PUS10: variants seen among roughly 807,000 people sequenced by gnomAD.
The protein encoded by PUS10 is pseudouridine synthase 10.
A neutral mutation model predicts 75.0 loss-of-function variants in PUS10; 59 were observed. That is an observed-to-expected ratio of 0.79 (90% CI 0.64 to 0.98). The LOEUF is 0.98. Ranked by LOEUF, PUS10 falls within the 50% of genes least tolerant of loss-of-function variation. PUS10 has a pLI of 0.00. For missense variants in PUS10, 650 were observed against 614.4 expected, an observed-to-expected ratio of 1.06 and a Z score of -0.61; for synonymous variants, 219 against 211.6, an observed-to-expected ratio of 1.03 and a Z score of -0.30.
chr2:60,977,820 C>T (rs915451059), intron 4 of PUS10, among the ~76,000 whole-genome samples: 5 of 152,098 alleles, frequency 3.3e-5, no homozygotes, highest in Admixed American at 6.5e-5. Context: ...GGTGGCTTCT[C>T]TCTCTGGGTT....
At chr2:60,969,113 A>G (rs1170974696) in intron 5 of PUS10, among the ~76,000 whole-genome samples, 2 of 152,242 alleles carry the variant, frequency 1.3e-5, no homozygotes, top group East Asian at 3.8e-4. Flanking sequence ...TTGTTACAAA[A>G]GCGAATCCCA....
At chr2:61,012,354 C>T (rs541431095) in intron 1 of PUS10, among the ~76,000 whole-genome samples, 61 of 152,040 alleles carry the variant, frequency 4.0e-4, no homozygotes, top group African/African-American at 1.4e-3. Flanking sequence ...AGCCATACCC[C>T]AAAATGAAGG....
At chr2:60,985,938 C>CAAAAAAAAAA (rs59173202) in intron 4 of PUS10, among the ~76,000 whole-genome samples, 2 of 82,144 alleles carry the variant, frequency 2.4e-5, no homozygotes, top group Non-Finnish European at 4.8e-5. Flanking sequence ...CAGACTTCAC[C>CAAAAAAAAAA]AAAAAAAAAA....
chr2:60,943,036 G>GGA (rs1674712753), intron 17 of PUS10, among the ~76,000 whole-genome samples: 2 of 78,414 alleles, frequency 2.6e-5, no homozygotes, highest in South Asian at 4.8e-4. Context: ...ATCTATCTCA[G>GGA]AAAAAAAAAA....
chr2:61,012,492 GA>G (rs1192561165), intron 1 of PUS10, among the ~76,000 whole-genome samples: 2 of 151,488 alleles, frequency 1.3e-5, no homozygotes, highest in Admixed American at 6.6e-5. Context: ...ATAGAAACCA[GA>G]ACCCCCTTTC....
chr2:60,962,322 A>G (rs10205808), intron 9 of PUS10, among the ~76,000 whole-genome samples: 106 of 152,364 alleles, frequency 7.0e-4, no homozygotes, highest in African/African-American at 2.4e-3. Context: ...CTGTAATCCC[A>G]GCACTTTGGG....
intron 4 of PUS10, among the ~76,000 whole-genome samples, chr2:60,978,421 TAAAAAAA>T (rs71398605): frequency 9.1e-5 from 9 of 99,406 alleles, no homozygotes; most frequent in Middle Eastern, 5.3e-3. Flanking sequence ...GACTCCATCT[TAAAAAAA>T]AAAAAAAAAA....
At chr2:60,995,589 A>G (rs1678402816) in intron 4 of PUS10, among the ~76,000 whole-genome samples, 1 of 152,232 alleles carries the variant, frequency 6.6e-6, no homozygotes, top group African/African-American at 2.4e-5. Context: ...CAGCAACTTA[A>G]CTACGCCACA....
chr2:61,013,463 T>C (rs1298774744), intron 1 of PUS10, among the ~76,000 whole-genome samples: 1 of 152,226 alleles, frequency 6.6e-6, no homozygotes, highest in Non-Finnish European at 1.5e-5. Context: ...TATTTCTATG[T>C]GCCATCCATA....
rs373050612 is a variant in PUS10, at chr2:60,965,121, T to A, written c.678-18A>T. On this transcript the variant is annotated intron_variant, in intron 7 of 17. Coordinates refer to ENST00000316752, the MANE Select transcript of PUS10 (RefSeq NM_144709.4). ...TCGCAGCTCTAAAATAAAATTCAAGTTAATATAAAAGGTTAATGAGTTTAT... is the reference window on the plus strand; with the variant it reads ...TCGCAGCTCTAAAATAAAATTCAAGATAATATAAAAGGTTAATGAGTTTAT... 2.5e-6 allele frequency: 4 copies of A among 1,609,152 alleles called. No homozygotes were observed. The African/African-American group carries it at 5.3e-5, about 22-fold the overall frequency.
rs1418018272 is a variant in PUS10, at chr2:60,940,412, CTAATTT to C, written c.*1977_*1982del. 1 of 152,210 alleles carries C rather than the reference CTAATTT, an allele frequency of 6.6e-6. No individual in the cohort carries two copies. Among genetic ancestry groups the C allele is most frequent in the African/African-American group, 2.4e-5 (1 of 41,438 alleles). The allele number at this position is 152,210 out of a possible 1,614,324, so 9.4% of individuals were successfully genotyped here. On this transcript the variant is annotated 3_prime_UTR_variant, in exon 18 of 18. Coordinates refer to ENST00000316752, the MANE Select transcript of PUS10 (RefSeq NM_144709.4). ...TAAAGCTTACAAAGAAATCATAAAA[CTAATTT>C]TAAAATGCTTTTATGTAGGCAAAAG...
chr2:60,970,065 CAG>C (rs1011285219), intron 5 of PUS10, among the ~76,000 whole-genome samples: 2 of 151,674 alleles, frequency 1.3e-5, no homozygotes, highest in Non-Finnish European at 2.9e-5. Context: ...GCCTGGGCAA[CAG>C]GGGTGAAACT....
rs1408064926 is a variant in PUS10, at chr2:60,941,656, TATTAA to T, written c.*734_*738del. The T allele has an allele frequency of 6.6e-6, 1 of 152,338 alleles. No individual in the cohort carries two copies. The highest frequency in any genetic ancestry group is 2.4e-5 in the African/African-American group (1 of 41,454). 9.4% of individuals were successfully genotyped at this position (152,338 alleles called of 1,614,324 possible). A position where few individuals can be genotyped will look rare whatever the true frequency, so the allele number is the denominator to read the frequency against. ...AAATTCTTAACCCTGGGATTGAAGT[TATTAA>T]AGGCACTTGTTTCTCCTTATTTAAA... is the stretch of plus-strand genomic sequence containing the variant. On this transcript the variant is annotated 3_prime_UTR_variant, in exon 18 of 18. Coordinates refer to ENST00000316752, the MANE Select transcript of PUS10 (RefSeq NM_144709.4).
intron 11 of PUS10, among the ~76,000 whole-genome samples, chr2:60,958,541 TCTTA>T (rs1345165151): frequency 6.6e-6 from 1 of 152,178 alleles, no homozygotes; most frequent in Non-Finnish European, 1.5e-5. Context: ...AGCATGCTTA[TCTTA>T]AGGTCTTTCA....
intron 15 of PUS10, among the ~76,000 whole-genome samples, chr2:60,949,569 T>A (rs1573384288): frequency 6.6e-6 from 1 of 152,276 alleles, no homozygotes; most frequent in Admixed American, 6.5e-5. Flanking sequence ...TGTTTTTGTT[T>A]TTTTTTTTAG....
At chr2:60,942,523 A>G (rs745353663) in intron 17 of PUS10, 90 bp from the exon 18 acceptor site, 1 of 992,964 alleles carries the variant, frequency 1.0e-6, no homozygotes, top group Non-Finnish European at 1.6e-6. Flanking sequence ...TAGTTTTAAT[A>G]TAGTGCAACA....
At chr2:60,971,865 C>CTTTTTTTTTTTTTTTTTT (rs756222357) in intron 4 of PUS10, among the ~76,000 whole-genome samples, 2 of 99,638 alleles carry the variant, frequency 2.0e-5, no homozygotes, top group African/African-American at 4.3e-5. Context: ...TCTTTCTTCT[C>CTTTTTTTTTTTTTTTTTT]TTTTTTTTTT....
At chr2:60,965,924 T>A (rs1272462719) in intron 6 of PUS10, 1 of 152,284 alleles carries the variant, frequency 6.6e-6, no homozygotes, top group African/African-American at 2.4e-5. Flanking sequence ...TGCTCAAACG[T>A]CTTAATGGAT....
chr2:60,987,360 C>T (rs530841302), intron 4 of PUS10, among the ~76,000 whole-genome samples: 1 of 151,360 alleles, frequency 6.6e-6, no homozygotes, highest in African/African-American at 2.4e-5. Flanking sequence ...TTTATTAGGA[C>T]ACCTTGATGT....
Sources: allele counts gnomAD v4.1 joint callset (sites outside exome capture counted in the v4.1 genomes callset), GRCh38; gene constraint gnomAD v4.1.1; transcripts MANE v1.5; gene names NCBI Gene and HGNC (gene_info 2026-07-23, HGNC 2026-07-21).